HERC2: variants seen among roughly 807,000 people sequenced by gnomAD.
HERC2 encodes the protein E3 ubiquitin-protein ligase HERC2.
HERC2 carries 102 observed loss-of-function variants against 537.7 expected under a neutral mutation model. The ratio of observed to expected loss-of-function variants is 0.19; its 90% CI spans 0.16 to 0.22. The LOEUF (loss-of-function observed/expected upper bound fraction) is 0.22. Among genes scored for constraint, HERC2 ranks in the 10% least tolerant of loss-of-function variants. HERC2 has a pLI of 1.00. For missense variants in HERC2, 4,236 were observed against 6,198.2 expected (o/e 0.68, Z 10.63); for synonymous variants, 2,224 against 2,466.2 (o/e 0.90, Z 2.91).
rs374152423 is a variant in HERC2 at position 28,316,538 on chromosome 15, G to A, written c.72+4824C>T. Among the ~76,000 whole-genome samples the A allele has an allele frequency of 7.9e-5, 12 of 152,226 alleles. No homozygotes were observed. The South Asian group carries it at 1.9e-3, about 24-fold the overall frequency. On this transcript the variant is annotated intron_variant, in intron 2 of 92. Transcript: ENST00000261609. ...AACCTGACAAAATGTCACATACAGG[G>A]TTACTACATCTTTTTTATCATGGAA...
intron 69 of HERC2, among the ~76,000 whole-genome samples, chr15:28,154,687 T>C (rs1892800478): frequency 6.6e-6 from 1 of 152,170 alleles, no homozygotes; most frequent in Admixed American, 6.5e-5. Context: ...AGTTTCCTCA[T>C]CCATATATAA....
intron 86 of HERC2, among the ~76,000 whole-genome samples, chr15:28,120,208 G>A (rs1450259942): frequency 6.6e-6 from 1 of 152,186 alleles, no homozygotes; most frequent in African/African-American, 2.4e-5. Flanking sequence ...CGTGACTGAC[G>A]TACAGCTTAG....
rs1044301643 is a variant in HERC2, at chr15:28,254,493, T to C, written c.2897A>G (p.Gln966Arg). The C allele has an allele frequency of 3.1e-6, 5 of 1,595,276 alleles. No individual in the cohort carries two copies. The highest frequency in any genetic ancestry group is 4.3e-6 in the Non-Finnish European group (5 of 1,175,054). Residue 966 changes from glutamine (Q) to arginine (R), a missense_variant, in exon 20 of 93, where the codon CAG becomes CGG. Physicochemically the swap from Gln to Arg is conservative, Grantham distance 43. Around this residue, in one of 27 missense-constraint regions of HERC2, gnomAD observed 754 missense variants for 1,085.0 expected, o/e 0.69. Transcript: ENST00000261609. ...IQDIEAKKEA[Q>R]KEKEIDEQEA... ...CTGTTCATCAATTTCTTTTTCCTTCTGTGCTTCTTTTTTGGCTTCAATATC... is the reference window on the plus strand; with the variant it reads ...CTGTTCATCAATTTCTTTTTCCTTCCGTGCTTCTTTTTTGGCTTCAATATC...
intron 69 of HERC2, among the ~76,000 whole-genome samples, chr15:28,162,512 G>A (rs1893706177): frequency 6.6e-6 from 1 of 151,924 alleles, no homozygotes; most frequent in African/African-American, 2.4e-5. Flanking sequence ...AATAAACTGG[G>A]GTGGAAACTG....
intron 2 of HERC2, among the ~76,000 whole-genome samples, chr15:28,307,910 G>C (rs895712754): frequency 2.6e-5 from 4 of 152,160 alleles, no homozygotes; most frequent in Admixed American, 2.6e-4. Context: ...CCGTTGGTCT[G>C]TGTCTGTTTT....
chr15:28,255,807 G>A (rs543484597), intron 19 of HERC2, 65 bp downstream of exon 19: 36 of 1,512,914 alleles, frequency 2.4e-5, no homozygotes, highest in Admixed American at 7.2e-5. Context: ...TATTCTTCAC[G>A]TGTGTGAGTG....
chr15:28,193,616 C>G lies in HERC2; in HGVS notation c.8261-1465G>C, dbSNP rs547919394. Among the ~76,000 whole-genome samples, 3 of 152,222 alleles carry G rather than the reference C, an allele frequency of 2.0e-5. No homozygotes were observed. The East Asian group carries it at 5.8e-4, about 29-fold the overall frequency. On this transcript the variant is annotated intron_variant, in intron 52 of 92. Transcript: ENST00000261609. ...CAACAGATATCATGCCCCAGAAGCC[C>G]TACCAACCCCAAGAAAGATAAACAT...
At chr15:28,247,998 C>T (rs1388998682) in intron 21 of HERC2, among the ~76,000 whole-genome samples, 1 of 152,216 alleles carries the variant, frequency 6.6e-6, no homozygotes. Flanking sequence ...ACCATTCCCT[C>T]AACAGTGCAC....
intron 44 of HERC2, among the ~76,000 whole-genome samples, chr15:28,207,907 T>A (rs1410003798): frequency 1.3e-5 from 2 of 151,832 alleles, no homozygotes; most frequent in Non-Finnish European, 2.9e-5. Context: ...TGTGTCTGTG[T>A]TCCCATAAAA....
At chr15:28,260,381 G>C (rs1245190150) in intron 16 of HERC2, among the ~76,000 whole-genome samples, 2 of 152,022 alleles carry the variant, frequency 1.3e-5, no homozygotes, top group Non-Finnish European at 2.9e-5. Context: ...TGATAATAAG[G>C]CATCTACATA....
At chr15:28,175,702 G>T (rs775496894) in intron 63 of HERC2, 46 bp from the exon 64 acceptor site, 38 of 1,596,860 alleles carry the variant, frequency 2.4e-5, no homozygotes, top group Non-Finnish European at 3.1e-5. Context: ...GTTATGGTCT[G>T]ACAATGCTAT....
At chr15:28,208,909 T>C (rs1290674945) in intron 44 of HERC2, among the ~76,000 whole-genome samples, 3 of 152,118 alleles carry the variant, frequency 2.0e-5, no homozygotes, top group African/African-American at 7.2e-5. Context: ...ATCCAAACCC[T>C]AGAGAGCAAT....
At chr15:28,291,652 T>C (rs1403661605) in intron 4 of HERC2, among the ~76,000 whole-genome samples, 1 of 151,936 alleles carries the variant, frequency 6.6e-6, no homozygotes, top group Admixed American at 6.6e-5. Flanking sequence ...AAAGAATAAA[T>C]GTATGGGTTT....
intron 78 of HERC2, among the ~76,000 whole-genome samples, chr15:28,137,415 C>A (rs896416794): frequency 6.6e-6 from 1 of 152,194 alleles, no homozygotes; most frequent in South Asian, 2.1e-4. Context: ...TCTGTGGCAA[C>A]CCTACACTGA....
At position 28,150,608 on chromosome 15, in the gene HERC2, G is replaced by A. The variant is rs1222767884; in HGVS notation, c.10900+2069C>T. ...CATCACCGAGAATGGCCACACGAACGTACATTCTAGTGAAATTACCAAAAA... is the reference window on the plus strand; with the variant it reads ...CATCACCGAGAATGGCCACACGAACATACATTCTAGTGAAATTACCAAAAA... On this transcript the variant is annotated intron_variant, in intron 70 of 92. Transcript: ENST00000261609. Among the ~76,000 whole-genome samples the A allele has an allele frequency of 1.4e-5, 2 of 145,794 alleles. 1 individual carries two copies. Among genetic ancestry groups the A allele is most frequent in the South Asian group, 4.5e-4 (2 of 4,492 alleles).
At chr15:28,142,984 G>A in intron 74 of HERC2, 32 bp from the exon 75 acceptor site, 1 of 1,603,960 alleles carries the variant, frequency 6.2e-7, no homozygotes, top group Non-Finnish European at 8.5e-7. Flanking sequence ...TTCTATCGCA[G>A]GAATCCAGGT....
chr15:28,245,584 CA>C (rs1903605046), intron 23 of HERC2, among the ~76,000 whole-genome samples: 1 of 148,952 alleles, frequency 6.7e-6, no homozygotes, highest in South Asian at 2.1e-4. Context: ...CACACACACA[CA>C]CACACACACA....
Position 28,198,720 on chromosome 15 carries a change from C to G in HERC2, c.7766G>C (p.Gly2589Ala). ...CCRAYEEVCE[G>A]DVGKVIKLDR... ...CAGCTTGATGACTTTGCCAACATCACCTTCGCACACTTCTTCATACGCTCG... is the reference window on the plus strand; with the variant it reads ...CAGCTTGATGACTTTGCCAACATCAGCTTCGCACACTTCTTCATACGCTCG... The change falls in exon 49 of 93, where the codon GGT (glycine) becomes GCT (alanine). Residue 2589 changes from glycine (G) to alanine (A), a missense_variant. By Grantham distance (60) the Gly-to-Ala change is moderately conservative. Around this residue, in one of 27 missense-constraint regions of HERC2, gnomAD observed 606 missense variants for 884.5 expected, o/e 0.69. Coordinates refer to ENST00000261609, the MANE Select transcript of HERC2 (RefSeq NM_004667.6). 1 of 1,614,148 alleles carries G rather than the reference C, an allele frequency of 6.2e-7. No individual in the cohort carries two copies. The highest frequency in any genetic ancestry group is 8.5e-7 in the Non-Finnish European group (1 of 1,180,016).
rs1270293697 is a variant in HERC2 at position 28,230,385 on chromosome 15, A to G, written c.4791T>C (p.Ile1597=). The part of the protein sequence containing the change: ...HSPINVDKRP[I]AIKSPKDKWQ... The stretch of plus-strand genomic sequence containing the variant: ...ACTGCACCTTGGGTGATTTAATTGC[A>G]ATGGGTCTCTTGTCCACATTTATTG... The change falls in exon 31 of 93, where the codon ATT becomes ATC. Residue 1597 remains isoleucine (I), a synonymous_variant. Transcript: ENST00000261609. The G allele has an allele frequency of 6.4e-7, 1 of 1,562,674 alleles. No individual in the cohort carries two copies. Among genetic ancestry groups the G allele is most frequent in the Non-Finnish European group, 8.7e-7 (1 of 1,150,276 alleles).
Sources: gnomAD v4.1 joint callset for allele counts (sites outside exome capture counted in the v4.1 genomes callset) on GRCh38, gnomAD v4.1.1 for gene constraint, gnomAD v4.1.1 regional missense constraint, MANE v1.5 for transcripts, NCBI Gene and HGNC (gene_info 2026-07-23, HGNC 2026-07-21) for gene names.